DIAPH2: variants seen among roughly 807,000 people sequenced by gnomAD.
DIAPH2 encodes diaphanous related formin 2, also known as protein diaphanous homolog 2.
Under a neutral mutation model 92.7 loss-of-function variants are expected in DIAPH2, and 35 were observed. That is an observed-to-expected ratio of 0.38 (90% CI 0.29 to 0.50). The LOEUF (loss-of-function observed/expected upper bound fraction) is 0.50, where lower values mean the gene tolerates loss of function less well. Ranked by LOEUF, DIAPH2 falls within the 20% of genes least tolerant of loss-of-function variation. The probability of loss-of-function intolerance (pLI) is 0.94; values close to 1 mark genes in which losing one functional copy is unlikely to be tolerated. For synonymous variants in DIAPH2, 301 were observed against 280.4 expected (o/e 1.07, Z -0.73); for missense variants, 701 against 819.5 (o/e 0.86, Z 1.77).
chrX:97,546,765 G>A (rs947986147), intron 26 of DIAPH2, among the ~76,000 whole-genome samples: 2 of 110,820 alleles, frequency 1.8e-5, no homozygotes. Flanking sequence ...GAACCCAGGA[G>A]GCGGAGGTTG....
chrX:97,533,833 G>A (rs2071077417), intron 26 of DIAPH2, among the ~76,000 whole-genome samples: 1 of 111,508 alleles, frequency 9.0e-6, no homozygotes, highest in Admixed American at 9.6e-5. Context: ...CTTTTGGAAT[G>A]AGAAGAAAAA....
chrX:96,863,129 A>G (rs181803529), intron 4 of DIAPH2, among the ~76,000 whole-genome samples: 19 of 110,307 alleles, frequency 1.7e-4, no homozygotes, highest in Non-Finnish European at 3.2e-4. Flanking sequence ...TACATACTTG[A>G]ATAAACATCC....
intron 26 of DIAPH2, among the ~76,000 whole-genome samples, chrX:97,530,534 A>C (rs919212675): frequency 9.0e-6 from 1 of 111,417 alleles, no homozygotes; most frequent in Non-Finnish European, 1.9e-5. Context: ...GCTGCCTATA[A>C]ATGATAGAGA....
At chrX:97,044,089 C>G (rs1039732535) in intron 17 of DIAPH2, among the ~76,000 whole-genome samples, 4 of 111,848 alleles carry the variant, frequency 3.6e-5, no homozygotes, top group Non-Finnish European at 7.5e-5. Context: ...TACTTGTGAA[C>G]CATTGTAACA....
At chrX:97,019,553 C>A (rs2066283452) in intron 17 of DIAPH2, among the ~76,000 whole-genome samples, 1 of 110,540 alleles carries the variant, frequency 9.0e-6, no homozygotes, top group African/African-American at 3.3e-5. Flanking sequence ...TAACCTGAGG[C>A]CAGTGCTATT....
At chrX:97,067,600 A>ATATCTAGTC (rs1330157396) in intron 17 of DIAPH2, among the ~76,000 whole-genome samples, 1 of 111,819 alleles carries the variant, frequency 8.9e-6, no homozygotes, top group East Asian at 2.8e-4. Flanking sequence ...TAACTGGTGA[A>ATATCTAGTC]TATCTAGTCT....
In DIAPH2 at chrX:96,722,885, A is replaced by G. The variant is rs754285209; in HGVS notation, c.133-12873A>G. On this transcript the variant is annotated intron_variant, in intron 1 of 26. Transcript: ENST00000324765. ...GGCTACTGGCGACTGACATTGCATCATAACTTTTAAGTTTTAAAACTGTGT... is the reference window on the plus strand; with the variant it reads ...GGCTACTGGCGACTGACATTGCATCGTAACTTTTAAGTTTTAAAACTGTGT... Among the ~76,000 whole-genome samples, 20 of 112,018 alleles carry G rather than the reference A, an allele frequency of 1.8e-4. No homozygotes were observed. The South Asian group carries it at 7.1e-3, about 40-fold the overall frequency.
intron 23 of DIAPH2, among the ~76,000 whole-genome samples, chrX:97,287,747 A>T (rs2068554991): frequency 1.9e-5 from 2 of 106,448 alleles, no homozygotes; most frequent in Admixed American, 1.0e-4. Context: ...AAAAGTAAAG[A>T]AAAGAAAGAA....
At chrX:96,978,289 G>A (rs1210083575) in intron 17 of DIAPH2, among the ~76,000 whole-genome samples, 2 of 111,262 alleles carry the variant, frequency 1.8e-5, no homozygotes, top group African/African-American at 3.3e-5. Flanking sequence ...TTTTCAAACC[G>A]TATTTCAGTA....
chrX:96,963,269 A>T lies in DIAPH2; in HGVS notation c.1936-1824A>T, dbSNP rs908089370. On this transcript the variant is annotated intron_variant, in intron 16 of 26. Transcript: ENST00000324765. ...TGCTGGGACCTGGTCTCATTGCTGG[A>T]TCTAGCCAGTATCACACCACTGCAG... Among the ~76,000 whole-genome samples, 4 of 111,183 alleles carry T rather than the reference A, an allele frequency of 3.6e-5. No individual in the cohort carries two copies. The East Asian group carries it at 8.5e-4, about 24-fold the overall frequency.
chrX:96,814,564 C>G (rs1489132829), intron 4 of DIAPH2, among the ~76,000 whole-genome samples: 1 of 112,062 alleles, frequency 8.9e-6, no homozygotes, highest in African/African-American at 3.2e-5. Flanking sequence ...AGTTTTGTTC[C>G]GTTGCTGTCT....
chrX:97,081,763 T>G (rs1361395824), intron 19 of DIAPH2: 1 of 106,184 alleles, frequency 9.4e-6, no homozygotes, highest in East Asian at 3.0e-4. Context: ...GAGGTTGCAG[T>G]GAGCCGAGAT....
chrX:96,847,029 T>A (rs374597420), intron 4 of DIAPH2, among the ~76,000 whole-genome samples: 11 of 111,695 alleles, frequency 9.8e-5, no homozygotes, highest in African/African-American at 3.3e-4. Flanking sequence ...TGCCTTATTG[T>A]CATTCTAATT....
intron 23 of DIAPH2, among the ~76,000 whole-genome samples, chrX:97,284,427 A>G (rs942973713): frequency 9.1e-6 from 1 of 110,486 alleles, no homozygotes; most frequent in African/African-American, 3.3e-5. Context: ...CCTGACCAAC[A>G]TGGAGAAACC....
At chrX:97,345,981 T>TAAG (rs750001228) in intron 23 of DIAPH2, among the ~76,000 whole-genome samples, 1 of 111,980 alleles carries the variant, frequency 8.9e-6, no homozygotes, top group East Asian at 2.8e-4. Context: ...ATAATTTCTA[T>TAAG]AAGTATAAAT....
At chrX:97,343,735 G>C (rs760014158) in intron 23 of DIAPH2, among the ~76,000 whole-genome samples, 1 of 110,141 alleles carries the variant, frequency 9.1e-6, no homozygotes, top group Non-Finnish European at 1.9e-5. Flanking sequence ...TACCAGAGGA[G>C]AGGAAGTGAG....
intron 26 of DIAPH2, among the ~76,000 whole-genome samples, chrX:97,477,616 A>G (rs2147814108): frequency 2.0e-5 from 1 of 49,208 alleles, no homozygotes; most frequent in Non-Finnish European, 4.4e-5. Context: ...AAAAAAATCT[A>G]TCTATCTATC....
At chrX:97,531,690 T>C (rs1414435068) in intron 26 of DIAPH2, among the ~76,000 whole-genome samples, 1 of 112,399 alleles carries the variant, frequency 8.9e-6, no homozygotes, top group Non-Finnish European at 1.9e-5. Context: ...TCTCTAGTTG[T>C]ATAGACTGCT....
At chrX:97,321,541 GT>G in intron 23 of DIAPH2, among the ~76,000 whole-genome samples, 1 of 79,430 alleles carries the variant, frequency 1.3e-5, no homozygotes, top group Non-Finnish European at 2.4e-5. Context: ...TTGTTGTGTT[GT>G]TATTTTTTTT....
Sources: gnomAD v4.1 joint callset for allele counts (sites outside exome capture counted in the v4.1 genomes callset) on GRCh38, gnomAD v4.1.1 for gene constraint, MANE v1.5 for transcripts, NCBI Gene and HGNC (gene_info 2026-07-23, HGNC 2026-07-21) for gene names.